Variants in SMCHD1 observed in about 807,000 individuals in gnomAD.
SMCHD1 encodes structural maintenance of chromosomes flexible hinge domain-containing protein 1.
In SMCHD1, 78 loss-of-function variants were observed where a neutral mutation model predicts 254.7. That is an observed-to-expected ratio of 0.31 (90% CI 0.26 to 0.37). The LOEUF is 0.37. Ranked by LOEUF, SMCHD1 falls within the 10% of genes least tolerant of loss-of-function variation. The pLI, the probability that SMCHD1 is intolerant of heterozygous loss-of-function variation, is 1.00. For synonymous variants in SMCHD1, 766 were observed against 794.9 expected (o/e 0.96, Z 0.61); for missense variants, 1,840 against 2,408.1 (o/e 0.76, Z 4.94).
At chr18:2,773,651 T>G (rs12606149) in intron 41 of SMCHD1, among the ~76,000 whole-genome samples, 44,475 of 152,036 alleles carry the variant, frequency 0.29, 6,753 homozygotes, top group East Asian at 0.51. Context: ...TCCGGGCGCG[T>G]TGGCTCACAC....
At chr18:2,738,599 T>C (rs1042935405) in intron 26 of SMCHD1, 54 bp downstream of exon 26, 11 of 1,433,124 alleles carry the variant, frequency 7.7e-6, no homozygotes, top group South Asian at 2.8e-5. Flanking sequence ...CTGTCCTCCA[T>C]TGCACATATA....
chr18:2,726,290 A>G (rs924983535), intron 21 of SMCHD1, among the ~76,000 whole-genome samples, 162 bp from the exon 22 acceptor site: 12 of 151,886 alleles, frequency 7.9e-5, no homozygotes, highest in African/African-American at 2.9e-4. Flanking sequence ...TTCCTCTAAG[A>G]TTTCTGACTC....
At chr18:2,751,907 A>G (rs752079051) in intron 33 of SMCHD1, among the ~76,000 whole-genome samples, 6 of 152,152 alleles carry the variant, frequency 3.9e-5, no homozygotes, top group South Asian at 2.1e-4. Context: ...CATATATTCA[A>G]TAGTTTAAAA....
intron 29 of SMCHD1, 109 bp downstream of exon 29, chr18:2,744,037 A>T: frequency 2.3e-6 from 2 of 868,442 alleles, no homozygotes; most frequent in Non-Finnish European, 3.3e-6. Flanking sequence ...GTAACAACTA[A>T]CAGTTGTTAA....
chr18:2,696,855 G>A (rs1476838145), intron 8 of SMCHD1, among the ~76,000 whole-genome samples, 177 bp from the exon 9 acceptor site: 1 of 152,146 alleles, frequency 6.6e-6, no homozygotes, highest in Non-Finnish European at 1.5e-5. Context: ...TCTGTAAAAT[G>A]AGATGCAGTA....
intron 44 of SMCHD1, 103 bp downstream of exon 44, chr18:2,778,342 T>A: frequency 1.3e-6 from 1 of 755,076 alleles, no homozygotes; most frequent in Admixed American, 3.0e-5. Flanking sequence ...CAAAACCAAT[T>A]TAAATTCTGC....
At chr18:2,743,281 C>A (rs959193593) in intron 28 of SMCHD1, among the ~76,000 whole-genome samples, 5 of 151,902 alleles carry the variant, frequency 3.3e-5, no homozygotes, top group African/African-American at 9.7e-5. Flanking sequence ...AGAGAACATG[C>A]AATAGATAAG....
In SMCHD1 at chr18:2,767,464, C is replaced by T. The variant is rs148437379; in HGVS notation, c.4720-2230C>T. On this transcript the variant is annotated intron_variant, in intron 37 of 47. Transcript: ENST00000320876. The stretch of plus-strand genomic sequence containing the variant: ...AGTCATGTCATCACTTAATGACGGG[C>T]ATATGTTCTAAGAAATACATCATCA... 9.5e-4 allele frequency among the ~76,000 whole-genome samples: 144 copies of T among 151,536 alleles called. 2 individuals are homozygous for T. In the Middle Eastern group the frequency reaches 0.01, roughly 11 times the overall value.
At chr18:2,731,369 T>C (rs556316142) in intron 24 of SMCHD1, among the ~76,000 whole-genome samples, 1 of 152,376 alleles carries the variant, frequency 6.6e-6, no homozygotes, top group African/African-American at 2.4e-5. Context: ...AAAATCAATT[T>C]ATATAGCATA....
At chr18:2,764,596 GA>G (rs1455196422) in intron 37 of SMCHD1, among the ~76,000 whole-genome samples, 1 of 151,900 alleles carries the variant, frequency 6.6e-6, no homozygotes, top group Non-Finnish European at 1.5e-5. Context: ...AAATAATTAG[GA>G]AAAAAATTTC....
In SMCHD1 at chr18:2,694,567, T is replaced by A; in HGVS notation, c.914T>A (p.Phe305Tyr). ...SVHITNDDER[F>Y]LHHLIIEEKE... is the part of the protein sequence containing the mutation. The stretch of plus-strand genomic sequence containing the variant: ...CACATTACAAATGATGATGAAAGAT[T>A]TCTACATCATCTTATCATAGAGGAG... Residue 305 changes from phenylalanine to tyrosine, a missense_variant, in exon 8 of 48, where the codon TTT becomes TAT. Phe to Tyr is a conservative substitution (Grantham distance 22). Transcript: ENST00000320876. 6.2e-7 allele frequency: 1 copy of A among 1,605,116 alleles called. No homozygotes were observed. The highest frequency in any genetic ancestry group is 1.7e-4 in the Middle Eastern group (1 of 6,040).
At chr18:2,667,214 GA>G (rs1017657797) in intron 3 of SMCHD1, among the ~76,000 whole-genome samples, 183 bp downstream of exon 3, 3 of 151,494 alleles carry the variant, frequency 2.0e-5, no homozygotes, top group Admixed American at 1.3e-4. Flanking sequence ...CATCTTCAGT[GA>G]AAAAAAACTC....
intron 5 of SMCHD1, among the ~76,000 whole-genome samples, chr18:2,683,240 T>TC (rs901629759): frequency 2.1e-5 from 3 of 143,108 alleles, no homozygotes; most frequent in African/African-American, 9.0e-5. Context: ...CTTTTTTTTT[T>TC]CTTAATAAAC....
intron 36 of SMCHD1, among the ~76,000 whole-genome samples, 183 bp from the exon 37 acceptor site, chr18:2,763,454 T>C (rs1179148560): frequency 2.0e-5 from 3 of 152,248 alleles, no homozygotes; most frequent in Non-Finnish European, 2.9e-5. Context: ...TTTTATGGTT[T>C]CTGGAACTAT....
At chr18:2,795,786 A>ATG (rs1344953470) in intron 45 of SMCHD1, among the ~76,000 whole-genome samples, 163 bp from the exon 46 acceptor site, 1 of 152,182 alleles carries the variant, frequency 6.6e-6, no homozygotes, top group African/African-American at 2.4e-5. Flanking sequence ...GATCTTAACT[A>ATG]TGCTTTTTTA....
Position 2,674,006 on chromosome 18 carries a change from G to T in SMCHD1, c.508-9G>T. 1 of 1,567,910 alleles carries T rather than the reference G, an allele frequency of 6.4e-7. No individual in the cohort carries two copies. The highest frequency in any genetic ancestry group is 8.6e-7 in the Non-Finnish European group (1 of 1,158,312). The stretch of plus-strand genomic sequence containing the variant: ...TTTCCTGTCTTTTTGAACTTATTTT[G>T]TTTCATAGCTTTTTGATGAAACACA... On this transcript the variant is annotated splice_polypyrimidine_tract_variant and intron_variant, in intron 4 of 47. Coordinates refer to ENST00000320876, the MANE Select transcript of SMCHD1 (RefSeq NM_015295.3).
At chr18:2,685,314 T>C (rs572413353) in intron 5 of SMCHD1, among the ~76,000 whole-genome samples, 164 of 152,114 alleles carry the variant, frequency 1.1e-3, no homozygotes, top group Non-Finnish European at 1.9e-3. Flanking sequence ...TTAGCCAGGA[T>C]GGTCTTGATC....
At chr18:2,791,103 G>A (rs1598452871) in intron 45 of SMCHD1, among the ~76,000 whole-genome samples, 1 of 152,282 alleles carries the variant, frequency 6.6e-6, no homozygotes, top group East Asian at 1.9e-4. Flanking sequence ...CTTACAGTAA[G>A]CAGTTAGAAG....
At chr18:2,750,019 C>T (rs774817831) in intron 30 of SMCHD1, 24 bp from the exon 31 acceptor site, 3 of 1,532,044 alleles carry the variant, frequency 2.0e-6, no homozygotes, top group African/African-American at 2.8e-5. Flanking sequence ...TCTAATTAAC[C>T]ATTTTGTTTT....
Sources: gnomAD v4.1 joint callset for allele counts (sites outside exome capture counted in the v4.1 genomes callset) on GRCh38, gnomAD v4.1.1 for gene constraint, MANE v1.5 for transcripts, NCBI Gene and HGNC (gene_info 2026-07-23, HGNC 2026-07-21) for gene names.